The following FAM181B variants were observed in gnomAD, a reference collection of about 807,000 sequenced individuals.
FAM181B encodes the protein family with sequence similarity 181 member B, also known as protein FAM181B.
A neutral mutation model predicts 17.8 loss-of-function variants in FAM181B; 13 were observed. That is an observed-to-expected ratio of 0.73 (90% CI 0.48 to 1.16). FAM181B has a LOEUF of 1.16. Among genes scored for constraint, FAM181B ranks in the 50% most tolerant of loss-of-function variants. The pLI, the probability that FAM181B is intolerant of heterozygous loss-of-function variation, is 0.00. For synonymous variants in FAM181B, 338 were observed against 316.5 expected (o/e 1.07, Z -0.72); for missense variants, 725 against 634.1 (o/e 1.14, Z -1.54).
rs986411451 is a variant in FAM181B at position 82,730,327 on chromosome 11, A to G, written c.*2122T>C. ...CCTGGGATGCGGAAACAATGTTGAT[A>G]TTATTATTAATTAAACGTATAGCAA... On this transcript the variant is annotated 3_prime_UTR_variant, in exon 1 of 1. Transcript: ENST00000329203. The G allele has an allele frequency of 6.6e-6, 1 of 152,234 alleles. No homozygotes were observed. The highest frequency in any genetic ancestry group is 1.5e-5 in the Non-Finnish European group (1 of 68,044). The allele number at this position is 152,234 out of a possible 1,614,324, so 9.4% of individuals were successfully genotyped here. A position where few individuals can be genotyped will look rare whatever the true frequency, so the allele number is the denominator to read the frequency against.
Position 82,732,386 on chromosome 11 carries a change from G to T in FAM181B, c.*63C>A. 6.7e-7 allele frequency: 1 copy of T among 1,486,034 alleles called. No individual in the cohort carries two copies. The highest frequency in any genetic ancestry group is 9.2e-7 in the Non-Finnish European group (1 of 1,092,544). 92.1% of individuals were successfully genotyped at this position (1,486,034 alleles called of 1,614,324 possible). A position where few individuals can be genotyped will look rare whatever the true frequency, so the allele number is the denominator to read the frequency against. The stretch of plus-strand genomic sequence containing the variant: ...TTCCCATCGTTCTTCAGATTTAGGA[G>T]AAACCCACGGAGGCGCGGCGCTCTC... On this transcript the variant is annotated 3_prime_UTR_variant, in exon 1 of 1. Transcript: ENST00000329203.
In FAM181B at chr11:82,730,616, T is replaced by G. The variant is rs555254029; in HGVS notation, c.*1833A>C. ...TCCAATAGACATTAGCTTTCTGGAGTTGCAAAAGTTCTTTTCATCATTAAC... is the reference window on the plus strand; with the variant it reads ...TCCAATAGACATTAGCTTTCTGGAGGTGCAAAAGTTCTTTTCATCATTAAC... On this transcript the variant is annotated 3_prime_UTR_variant, in exon 1 of 1. Transcript: ENST00000329203. The G allele has an allele frequency of 2.0e-5, 3 of 152,184 alleles. No individual in the cohort carries two copies. Among genetic ancestry groups the G allele is most frequent in the South Asian group, 2.1e-4 (1 of 4,822 alleles). 9.4% of individuals were successfully genotyped at this position (152,184 alleles called of 1,614,324 possible). A position where few individuals can be genotyped will look rare whatever the true frequency, so the allele number is the denominator to read the frequency against.
In FAM181B at chr11:82,733,150, C is replaced by G. The variant is rs929951163; in HGVS notation, c.580G>C (p.Gly194Arg). The change falls in exon 1 of 1, where the codon GGA (glycine) becomes CGA (arginine). Residue 194 changes from glycine to arginine, a missense_variant. Gly to Arg is a moderately radical substitution (Grantham distance 125, BLOSUM62 -2). Coordinates refer to ENST00000329203, the MANE Select transcript of FAM181B (RefSeq NM_175885.4). Reference protein sequence around the residue: ...GEVAAPAAGLGGAGTGGAGGD... With the variant: ...GEVAAPAAGLRGAGTGGAGGD... ...CCCGCGCCCCCAGTGCCCGCACCTCCTAGCCCGGCCGCCGGCGCAGCCACC... is the reference window on the plus strand; with the variant it reads ...CCCGCGCCCCCAGTGCCCGCACCTCGTAGCCCGGCCGCCGGCGCAGCCACC... The G allele has an allele frequency of 8.5e-6, 12 of 1,412,994 alleles. No individual in the cohort carries two copies. The African/African-American group carries it at 1.7e-4, about 19-fold the overall frequency. The allele number at this position is 1,412,994 out of a possible 1,614,324, so 87.5% of individuals were successfully genotyped here. A position where few individuals can be genotyped will look rare whatever the true frequency, so the allele number is the denominator to read the frequency against.
At position 82,730,776 on chromosome 11, in the gene FAM181B, A is replaced by G. The variant is rs1367072339; in HGVS notation, c.*1673T>C. ...TTTCCAGAAATTCTTTTATGAAAAT[A>G]TCACAATACTTTTGATGTGTGCAAA... On this transcript the variant is annotated 3_prime_UTR_variant, in exon 1 of 1. Transcript: ENST00000329203. 1 of 152,242 alleles carries G rather than the reference A, an allele frequency of 6.6e-6. No individual in the cohort carries two copies. Among genetic ancestry groups the G allele is most frequent in the African/African-American group, 2.4e-5 (1 of 41,466 alleles). The allele number at this position is 152,242 out of a possible 1,614,324, so 9.4% of individuals were successfully genotyped here. A position where few individuals can be genotyped will look rare whatever the true frequency, so the allele number is the denominator to read the frequency against.
In FAM181B at chr11:82,732,172, C is replaced by A; in HGVS notation, c.*277G>T. The A allele has an allele frequency of 2.1e-6, 1 of 486,188 alleles. No homozygotes were observed. The highest frequency in any genetic ancestry group is 2.0e-5 in the African/African-American group (1 of 49,320). The allele number at this position is 486,188 out of a possible 1,614,324, so 30.1% of individuals were successfully genotyped here. A position where few individuals can be genotyped will look rare whatever the true frequency, so the allele number is the denominator to read the frequency against. ...TCTTACCCCTTTTGCCGTCCCCACC[C>A]CATACCCCAAACCATCTTGGTTTCT... On this transcript the variant is annotated 3_prime_UTR_variant, in exon 1 of 1. Transcript: ENST00000329203.
chr11:82,732,453 T>C lies in FAM181B; in HGVS notation c.1277A>G (p.Asp426Gly). The C allele has an allele frequency of 6.2e-7, 1 of 1,612,774 alleles. No individual in the cohort carries two copies. The highest frequency in any genetic ancestry group is 1.3e-5 in the African/African-American group (1 of 75,026). ...GAPGEEGAHRD is the reference protein window; with the variant it reads ...GAPGEEGAHRG ...GAAGGGAAGCGTGCCTCGAAGTCAG[T>C]CCCGGTGCGCCCCCTCCTCCCCCGG... Residue 426 changes from aspartate (D) to glycine (G), a missense_variant, in exon 1 of 1, where the codon GAC becomes GGC. By Grantham distance (94) the Asp-to-Gly change is moderately conservative (BLOSUM62 -1). Transcript: ENST00000329203.
In FAM181B at chr11:82,731,296, G is replaced by A. The variant is rs769219144; in HGVS notation, c.*1153C>T. The A allele has an allele frequency of 6.6e-6, 1 of 152,326 alleles. No homozygotes were observed. Among genetic ancestry groups the A allele is most frequent in the Non-Finnish European group, 1.5e-5 (1 of 68,144 alleles). The allele number at this position is 152,326 out of a possible 1,614,324, so 9.4% of individuals were successfully genotyped here. On this transcript the variant is annotated 3_prime_UTR_variant, in exon 1 of 1. Transcript: ENST00000329203. Reference sequence around the variant, plus strand: ...ATAAGGACTGAGGAAACAAAGGGAGGCAGAAACCAACAGAGGTGGAAGGGG... The same window carrying A: ...ATAAGGACTGAGGAAACAAAGGGAGACAGAAACCAACAGAGGTGGAAGGGG...
chr11:82,731,437 C>T lies in FAM181B; in HGVS notation c.*1012G>A, dbSNP rs1311535119. On this transcript the variant is annotated 3_prime_UTR_variant, in exon 1 of 1. Transcript: ENST00000329203. The stretch of plus-strand genomic sequence containing the variant: ...CAAAAAAGGCATGGGACTCACAACT[C>T]TGTTTCCGTGTGTAGAAACCATTTA... The T allele has an allele frequency of 6.6e-6, 1 of 152,294 alleles. No individual in the cohort carries two copies. The highest frequency in any genetic ancestry group is 6.5e-5 in the Admixed American group (1 of 15,288). The allele number at this position is 152,294 out of a possible 1,614,324, so 9.4% of individuals were successfully genotyped here. A position where few individuals can be genotyped will look rare whatever the true frequency, so the allele number is the denominator to read the frequency against.
rs147683846 is a variant in FAM181B at position 82,732,712 on chromosome 11, G to A, written c.1018C>T (p.Pro340Ser). Residue 340 changes from proline to serine, a missense_variant, in exon 1 of 1, where the codon CCC becomes TCC. Transcript: ENST00000329203. ...SPTKKSPLTA[P>S]RGGLTLNEPL... Reference sequence around the variant, plus strand: ...TCGTTCAAGGTCAAGCCGCCGCGGGGGGCAGTCAGGGGGCTCTTTTTGGTC... The same window carrying A: ...TCGTTCAAGGTCAAGCCGCCGCGGGAGGCAGTCAGGGGGCTCTTTTTGGTC... The A allele has an allele frequency of 0.015, 21,535 of 1,457,304 alleles. 193 individuals are homozygous for A. The highest frequency in any genetic ancestry group is 0.037 in the East Asian group (1,448 of 39,610). The allele number at this position is 1,457,304 out of a possible 1,614,324, so 90.3% of individuals were successfully genotyped here. A position where few individuals can be genotyped will look rare whatever the true frequency, so the allele number is the denominator to read the frequency against.
rs1857130312 is a variant in FAM181B at position 82,731,565 on chromosome 11, T to A, written c.*884A>T. ...AGTTGTGAAGTGAGTAGAAGAACATTACCGTCTTCACCCTCTCAGATCACG... is the reference window on the plus strand; with the variant it reads ...AGTTGTGAAGTGAGTAGAAGAACATAACCGTCTTCACCCTCTCAGATCACG... On this transcript the variant is annotated 3_prime_UTR_variant, in exon 1 of 1. Transcript: ENST00000329203. 6.6e-6 allele frequency: 1 copy of A among 152,230 alleles called. No homozygotes were observed. Among genetic ancestry groups the A allele is most frequent in the African/African-American group, 2.4e-5 (1 of 41,450 alleles). The allele number at this position is 152,230 out of a possible 1,614,324, so 9.4% of individuals were successfully genotyped here.
rs781569097 is a variant in FAM181B at position 82,733,604 on chromosome 11, C to T, written c.126G>A (p.Glu42=). The T allele has an allele frequency of 6.2e-7, 1 of 1,602,782 alleles. No homozygotes were observed. The highest frequency in any genetic ancestry group is 1.1e-5 in the South Asian group (1 of 90,502). ...LDKGCCFEDD[E]TGAPAGALLS... Reference sequence around the variant, plus strand: ...GCAGCGCACCCGCCGGAGCCCCGGTCTCATCGTCCTCGAAACAGCAGCCCT... The same window carrying T: ...GCAGCGCACCCGCCGGAGCCCCGGTTTCATCGTCCTCGAAACAGCAGCCCT... Residue 42 remains glutamate (E), a synonymous_variant, in exon 1 of 1, where the codon GAG becomes GAA. Transcript: ENST00000329203.
chr11:82,732,961 T>G lies in FAM181B; in HGVS notation c.769A>C (p.Lys257Gln). The change falls in exon 1 of 1, where the codon AAG becomes CAG. Residue 257 changes from lysine to glutamine, a missense_variant. Lys to Gln is a moderately conservative substitution (Grantham distance 53). Coordinates refer to ENST00000329203, the MANE Select transcript of FAM181B (RefSeq NM_175885.4). ...GPDVSLGDLE[K>Q]GAEAVEFFEL... The stretch of plus-strand genomic sequence containing the variant: ...AAGAACTCCACGGCCTCCGCGCCCT[T>G]CTCCAGGTCGCCCAAGCTCACGTCC... 1 of 1,574,002 alleles carries G rather than the reference T, an allele frequency of 6.4e-7. No individual in the cohort carries two copies. The highest frequency in any genetic ancestry group is 8.6e-7 in the Non-Finnish European group (1 of 1,167,962).
At position 82,730,741 on chromosome 11, in the gene FAM181B, A is replaced by G. The variant is rs1857119554; in HGVS notation, c.*1708T>C. On this transcript the variant is annotated 3_prime_UTR_variant, in exon 1 of 1. Transcript: ENST00000329203. ...TTAAAGTTGCATCTACCATTGGTTA[A>G]TACTCATTTTTTCCAGAAATTCTTT... 6.6e-6 allele frequency: 1 copy of G among 152,214 alleles called. No individual in the cohort carries two copies. Among genetic ancestry groups the G allele is most frequent in the African/African-American group, 2.4e-5 (1 of 41,450 alleles). 9.4% of individuals were successfully genotyped at this position (152,214 alleles called of 1,614,324 possible).
Position 82,733,068 on chromosome 11 carries a change from G to C in FAM181B, c.662C>G (p.Pro221Arg). The stretch of plus-strand genomic sequence containing the variant: ...CGGAGGCAGATTGCGTGCCCGCAGC[G>C]GGACCTTCCTGGCCCCTGGGATCGC... ...ATAIPGARKV[P>R]LRARNLPPSF... The change falls in exon 1 of 1, where the codon CCG (proline) becomes CGG (arginine). Residue 221 changes from proline to arginine, a missense_variant. Coordinates refer to ENST00000329203, the MANE Select transcript of FAM181B (RefSeq NM_175885.4). 6.6e-7 allele frequency: 1 copy of C among 1,522,474 alleles called. No homozygotes were observed. 94.3% of individuals were successfully genotyped at this position (1,522,474 alleles called of 1,614,324 possible). A position where few individuals can be genotyped will look rare whatever the true frequency, so the allele number is the denominator to read the frequency against.
Position 82,733,033 on chromosome 11 carries a change from TGAA to T in FAM181B, c.694_696del (p.Phe232del). On this transcript the variant is annotated inframe_deletion, in exon 1 of 1. Coordinates refer to ENST00000329203, the MANE Select transcript of FAM181B (RefSeq NM_175885.4). The stretch of plus-strand genomic sequence containing the variant: ...CCGCCGCCTGCCCGGGACGGCTCCG[TGAA>T]GAAGGACGGAGGCAGATTGCGTGCC... 2 of 1,537,644 alleles carry T rather than the reference TGAA, an allele frequency of 1.3e-6. No individual in the cohort carries two copies. Among genetic ancestry groups the T allele is most frequent in the Non-Finnish European group, 1.7e-6 (2 of 1,153,378 alleles).
rs2120884563 is a variant in FAM181B at position 82,733,653 on chromosome 11, C to G, written c.77G>C (p.Gly26Ala). The G allele has an allele frequency of 6.3e-7, 1 of 1,577,682 alleles. No homozygotes were observed. Among genetic ancestry groups the G allele is most frequent in the Admixed American group, 1.8e-5 (1 of 56,370 alleles). The change falls in exon 1 of 1, where the codon GGG (glycine) becomes GCG (alanine). Residue 26 changes from glycine (G) to alanine (A), a missense_variant. Coordinates refer to ENST00000329203, the MANE Select transcript of FAM181B (RefSeq NM_175885.4). ...FGFGGSPDGL[G>A]GAFGALDKGC... ...CTTGTCCAGGGCTCCGAAGGCGCCC[C>G]CTAGCCCGTCCGGGGAGCCCCCGAA...
Position 82,730,821 on chromosome 11 carries a change from A to G in FAM181B, c.*1628T>C, listed in dbSNP as rs1178464129. Reference sequence around the variant, plus strand: ...TGCAAACATGAACCTGGATTTTTACACCTCTTGCGGTAACACTCGGTTTTC... The same window carrying G: ...TGCAAACATGAACCTGGATTTTTACGCCTCTTGCGGTAACACTCGGTTTTC... On this transcript the variant is annotated 3_prime_UTR_variant, in exon 1 of 1. Coordinates refer to ENST00000329203, the MANE Select transcript of FAM181B (RefSeq NM_175885.4). 1 of 152,182 alleles carries G rather than the reference A, an allele frequency of 6.6e-6. No individual in the cohort carries two copies. The highest frequency in any genetic ancestry group is 1.5e-5 in the Non-Finnish European group (1 of 68,032). The allele number at this position is 152,182 out of a possible 1,614,324, so 9.4% of individuals were successfully genotyped here.
rs908321645 is a variant in FAM181B, at chr11:82,733,183, C to A, written c.547G>T (p.Gly183Trp). The change falls in exon 1 of 1, where the codon GGG becomes TGG. Residue 183 changes from glycine (G) to tryptophan (W), a missense_variant. By Grantham distance (184) the Gly-to-Trp change is radical. Transcript: ENST00000329203. ...RHVPGGAEPA[G>W]GEVAAPAAGL... ...GCCGCCGGCGCAGCCACCTCACCCC[C>A]CGCCGGCTCGGCACCCCCGGGGACG... 1.2e-5 allele frequency: 16 copies of A among 1,365,912 alleles called. No individual in the cohort carries two copies. Among genetic ancestry groups the A allele is most frequent in the South Asian group, 1.8e-5 (1 of 55,964 alleles). The allele number at this position is 1,365,912 out of a possible 1,614,324, so 84.6% of individuals were successfully genotyped here.
rs1185343076 is a variant in FAM181B, at chr11:82,733,193, G to T, written c.537C>A (p.Ala179=). Residue 179 remains alanine (A), a synonymous_variant, in exon 1 of 1, where the codon GCC becomes GCA. Transcript: ENST00000329203. ...FDSLRHVPGG[A]EPAGGEVAAP... ...CAGCCACCTCACCCCCCGCCGGCTC[G>T]GCACCCCCGGGGACGTGGCGCAGCG... is the stretch of plus-strand genomic sequence containing the variant. 5 of 1,349,944 alleles carry T rather than the reference G, an allele frequency of 3.7e-6. No individual in the cohort carries two copies. The highest frequency in any genetic ancestry group is 7.9e-5 in the Admixed American group (2 of 25,296). The allele number at this position is 1,349,944 out of a possible 1,614,324, so 83.6% of individuals were successfully genotyped here.
Sources: allele counts gnomAD v4.1 joint callset, GRCh38; gene constraint gnomAD v4.1.1; transcripts MANE v1.5; gene names NCBI Gene and HGNC (gene_info 2026-07-23, HGNC 2026-07-21).